Variants in VPREB1 observed in about 807,000 individuals in gnomAD.
The protein encoded by VPREB1 is immunoglobulin iota chain.
A neutral mutation model predicts 13.6 loss-of-function variants in VPREB1; 17 were observed. The ratio of observed to expected loss-of-function variants is 1.25; its 90% CI spans 0.86 to 1.88. The LOEUF is 1.88. VPREB1 is among the 40% of genes most tolerant of loss of function. The pLI is 0.00. For missense variants in VPREB1, 183 were observed against 190.1 expected, an observed-to-expected ratio of 0.96 and a Z score of 0.22; for synonymous variants, 86 against 73.9, an observed-to-expected ratio of 1.16 and a Z score of -0.84.
In VPREB1 at chr22:22,245,212, C is replaced by T. The variant is rs1323896913; in HGVS notation, c.313C>T (p.Leu105=). ...CAGGGGGTATTTGAGCATCTCTGAG[C>T]TGCAGCCTGAGGACGAGGCTATGTA... ...RNRGYLSISE[L]QPEDEAMYYC... The change falls in exon 2 of 2, where the codon CTG becomes TTG. Residue 105 remains leucine (L), a synonymous_variant. Transcript: ENST00000403807. 1 of 1,573,330 alleles carries T rather than the reference C, an allele frequency of 6.4e-7. No individual in the cohort carries two copies. The highest frequency in any genetic ancestry group is 1.8e-5 in the Admixed American group (1 of 55,482).
In VPREB1 at chr22:22,244,947, T is replaced by C. The variant is rs1437846598; in HGVS notation, c.48T>C (p.Gly16=). ...VLLMLFVYCT[G]CGPQPVLHQP... ...GCCCACATGCATCTGTGTCACCAGG[T>C]TGTGGTCCTCAGCCGGTGCTGCATC... The change falls in exon 2 of 2, where the codon GGT becomes GGC. Residue 16 remains glycine (G), a splice_region_variant and synonymous_variant. Transcript: ENST00000403807. 3.1e-6 allele frequency: 5 copies of C among 1,614,098 alleles called. No individual in the cohort carries two copies. The highest frequency in any genetic ancestry group is 2.2e-5 in the South Asian group (2 of 91,084).
rs759724647 is a variant in VPREB1, at chr22:22,245,050, G to A, written c.151G>A (p.Val51Met). The A allele has an allele frequency of 1.2e-6, 2 of 1,613,974 alleles. No homozygotes were observed. Among genetic ancestry groups the A allele is most frequent in the Non-Finnish European group, 8.5e-7 (1 of 1,180,034 alleles). ...CTLRNDHDIG[V>M]YSVYWYQQRP... Reference sequence around the variant, plus strand: ...CCTGAGGAACGACCATGACATCGGTGTGTACAGCGTCTACTGGTACCAGCA... The same window carrying A: ...CCTGAGGAACGACCATGACATCGGTATGTACAGCGTCTACTGGTACCAGCA... Residue 51 changes from valine to methionine, a missense_variant, in exon 2 of 2, where the codon GTG becomes ATG. Transcript: ENST00000403807.
rs11089978 is a variant in VPREB1, at chr22:22,244,804, T to C, written c.-10T>C. 0.036 allele frequency: 58,406 copies of C among 1,613,828 alleles called. 3,378 individuals carry two copies. Among genetic ancestry groups the C allele is most frequent in the African/African-American group, 0.2 (15,243 of 74,882 alleles). Reference sequence around the variant, plus strand: ...TGGCCACAGGAGTCAGAGCTCTGCATGTCTGCACCATGTCCTGGGCTCCTG... The same window carrying C: ...TGGCCACAGGAGTCAGAGCTCTGCACGTCTGCACCATGTCCTGGGCTCCTG... On this transcript the variant is annotated 5_prime_UTR_variant, in exon 1 of 2. The change abolishes an upstream ATG in the 5' untranslated region. Transcript: ENST00000403807.
Position 22,245,047 on chromosome 22 carries a change from G to T in VPREB1, c.148G>T (p.Gly50Cys). ...CACCCTGAGGAACGACCATGACATCGGTGTGTACAGCGTCTACTGGTACCA... is the reference window on the plus strand; with the variant it reads ...CACCCTGAGGAACGACCATGACATCTGTGTGTACAGCGTCTACTGGTACCA... ...TCTLRNDHDI[G>C]VYSVYWYQQR... Residue 50 changes from glycine (G) to cysteine (C), a missense_variant, in exon 2 of 2, where the codon GGT becomes TGT. Coordinates refer to ENST00000403807, the MANE Select transcript of VPREB1 (RefSeq NM_007128.4). The T allele has an allele frequency of 6.2e-7, 1 of 1,614,046 alleles. No homozygotes were observed. The highest frequency in any genetic ancestry group is 8.5e-7 in the Non-Finnish European group (1 of 1,180,016).
intron 1 of VPREB1, 34 bp from the exon 2 acceptor site, chr22:22,244,912 T>G (rs1310035088): frequency 6.2e-7 from 1 of 1,614,000 alleles, no homozygotes; most frequent in Middle Eastern, 1.7e-4. Context: ...CATCCTGCCC[T>G]GCCCCCACGG....
Position 22,244,960 on chromosome 22 carries a change from C to A in VPREB1, c.61C>A (p.Pro21Thr), listed in dbSNP as rs2088099696. The stretch of plus-strand genomic sequence containing the variant: ...TGTGTCACCAGGTTGTGGTCCTCAG[C>A]CGGTGCTGCATCAGCCGCCGGCCAT... ...FVYCTGCGPQ[P>T]VLHQPPAMSS... Residue 21 changes from proline to threonine, a missense_variant, in exon 2 of 2, where the codon CCG becomes ACG. Physicochemically the swap from Pro to Thr is conservative, Grantham distance 38 (BLOSUM62 -1). Transcript: ENST00000403807. 1 of 1,614,154 alleles carries A rather than the reference C, an allele frequency of 6.2e-7. No homozygotes were observed. The highest frequency in any genetic ancestry group is 8.5e-7 in the Non-Finnish European group (1 of 1,180,024).
chr22:22,244,891 G>T lies in VPREB1; in HGVS notation c.46+32G>T, dbSNP rs758472352. The T allele has an allele frequency of 1.2e-5, 20 of 1,614,080 alleles. No individual in the cohort carries two copies. In the Admixed American group the frequency reaches 3.0e-4, roughly 24 times the overall value. On this transcript the variant is annotated intron_variant, in intron 1 of 1. Transcript: ENST00000403807. ...GAACCCCCAGATCCCAAAGACTCCTGCCCCTTCCTTCATCCTGCCCTGCCC... is the reference window on the plus strand; with the variant it reads ...GAACCCCCAGATCCCAAAGACTCCTTCCCCTTCCTTCATCCTGCCCTGCCC...
chr22:22,245,258 G>A lies in VPREB1; in HGVS notation c.359G>A (p.Arg120His), dbSNP rs200943449. 1.5e-5 allele frequency: 23 copies of A among 1,566,606 alleles called. No individual in the cohort carries two copies. The highest frequency in any genetic ancestry group is 2.5e-5 in the South Asian group (2 of 81,362). ...ATGTATTACTGTGCTATGGGGGCCC[G>A]CAGCTCGGAGAAGGAGGAGAGGGAG... ...EAMYYCAMGA[R>H]SSEKEERERE... is the part of the protein sequence containing the mutation. The change falls in exon 2 of 2, where the codon CGC becomes CAC. Residue 120 changes from arginine to histidine, a missense_variant. Coordinates refer to ENST00000403807, the MANE Select transcript of VPREB1 (RefSeq NM_007128.4).
Position 22,245,453 on chromosome 22 carries a change from T to A in VPREB1, c.*116T>A. The stretch of plus-strand genomic sequence containing the variant: ...CTCAGCATCTCCTGGTCCTGCAGTG[T>A]TGCTGTAAATCCCCATTGGAGACTG... On this transcript the variant is annotated 3_prime_UTR_variant, in exon 2 of 2. Coordinates refer to ENST00000403807, the MANE Select transcript of VPREB1 (RefSeq NM_007128.4). 1 of 1,205,390 alleles carries A rather than the reference T, an allele frequency of 8.3e-7. No individual in the cohort carries two copies. Among genetic ancestry groups the A allele is most frequent in the South Asian group, 2.0e-5 (1 of 49,984 alleles). 74.7% of individuals were successfully genotyped at this position (1,205,390 alleles called of 1,614,324 possible). A position where few individuals can be genotyped will look rare whatever the true frequency, so the allele number is the denominator to read the frequency against.
Position 22,245,427 on chromosome 22 carries a change from A to C in VPREB1, c.*90A>C. 7.4e-7 allele frequency: 1 copy of C among 1,357,480 alleles called. No homozygotes were observed. The highest frequency in any genetic ancestry group is 1.7e-5 in the South Asian group (1 of 58,958). 84.1% of individuals were successfully genotyped at this position (1,357,480 alleles called of 1,614,324 possible). A position where few individuals can be genotyped will look rare whatever the true frequency, so the allele number is the denominator to read the frequency against. On this transcript the variant is annotated 3_prime_UTR_variant, in exon 2 of 2. Transcript: ENST00000403807. Reference sequence around the variant, plus strand: ...CCCGAAGCGCCGAGGAGGCTGAGCCACTCAGCATCTCCTGGTCCTGCAGTG... The same window carrying C: ...CCCGAAGCGCCGAGGAGGCTGAGCCCCTCAGCATCTCCTGGTCCTGCAGTG...
At position 22,245,201 on chromosome 22, in the gene VPREB1, G is replaced by A. The variant is rs1463017831; in HGVS notation, c.302G>A (p.Ser101Asn). Residue 101 changes from serine to asparagine, a missense_variant, in exon 2 of 2, where the codon AGC becomes AAC. By Grantham distance (46) the Ser-to-Asn change is conservative. Coordinates refer to ENST00000403807, the MANE Select transcript of VPREB1 (RefSeq NM_007128.4). ...GTGGCCAGGAACAGGGGGTATTTGAGCATCTCTGAGCTGCAGCCTGAGGAC... is the reference window on the plus strand; with the variant it reads ...GTGGCCAGGAACAGGGGGTATTTGAACATCTCTGAGCTGCAGCCTGAGGAC... ...KDVARNRGYL[S>N]ISELQPEDEA... The A allele has an allele frequency of 1.3e-6, 2 of 1,576,346 alleles. No individual in the cohort carries two copies. The highest frequency in any genetic ancestry group is 1.7e-6 in the Non-Finnish European group (2 of 1,161,836).
At position 22,244,873 on chromosome 22, in the gene VPREB1, C is replaced by T; in HGVS notation, c.46+14C>T. On this transcript the variant is annotated intron_variant, in intron 1 of 1. Coordinates refer to ENST00000403807, the MANE Select transcript of VPREB1 (RefSeq NM_007128.4). ...TCTACTGCACAGGTGAGGGAACCCC[C>T]AGATCCCAAAGACTCCTGCCCCTTC... 5 of 1,614,064 alleles carry T rather than the reference C, an allele frequency of 3.1e-6. No homozygotes were observed. The highest frequency in any genetic ancestry group is 4.2e-6 in the Non-Finnish European group (5 of 1,179,954).
In VPREB1 at chr22:22,245,498, C is replaced by T; in HGVS notation, c.*161C>T. The stretch of plus-strand genomic sequence containing the variant: ...AGACTGCATTAGGGAATTAAAGCTG[C>T]TTGTCACTTTTTGCTGAGTTTGGTC... On this transcript the variant is annotated 3_prime_UTR_variant, in exon 2 of 2. Coordinates refer to ENST00000403807, the MANE Select transcript of VPREB1 (RefSeq NM_007128.4). 1 of 859,816 alleles carries T rather than the reference C, an allele frequency of 1.2e-6. No individual in the cohort carries two copies. The highest frequency in any genetic ancestry group is 1.6e-6 in the Non-Finnish European group (1 of 622,832). The allele number at this position is 859,816 out of a possible 1,614,324, so 53.3% of individuals were successfully genotyped here.
In VPREB1 at chr22:22,244,801, GCA is replaced by G. The variant is rs2088093648; in HGVS notation, c.-12_-11del. The stretch of plus-strand genomic sequence containing the variant: ...CCGTGGCCACAGGAGTCAGAGCTCT[GCA>G]TGTCTGCACCATGTCCTGGGCTCCT... On this transcript the variant is annotated 5_prime_UTR_variant, in exon 1 of 2. It removes an upstream start codon present in the reference 5' UTR. Transcript: ENST00000403807. 6.2e-7 allele frequency: 1 copy of G among 1,613,876 alleles called. No homozygotes were observed. The highest frequency in any genetic ancestry group is 2.2e-5 in the East Asian group (1 of 44,858).
rs750943572 is a variant in VPREB1 at position 22,245,393 on chromosome 22, G to A, written c.*56G>A. On this transcript the variant is annotated 3_prime_UTR_variant, in exon 2 of 2. Transcript: ENST00000403807. ...GGAGAGACTGTCATGGAAGAGGGTGGAGTCGCCGCCCGAAGCGCCGAGGAG... is the reference window on the plus strand; with the variant it reads ...GGAGAGACTGTCATGGAAGAGGGTGAAGTCGCCGCCCGAAGCGCCGAGGAG... The A allele has an allele frequency of 4.6e-5, 65 of 1,424,268 alleles. No homozygotes were observed. The Middle Eastern group carries it at 9.1e-4, about 20-fold the overall frequency. The allele number at this position is 1,424,268 out of a possible 1,614,324, so 88.2% of individuals were successfully genotyped here.
chr22:22,245,080 C>T lies in VPREB1; in HGVS notation c.181C>T (p.Pro61Ser), dbSNP rs1569015988. 1.9e-6 allele frequency: 3 copies of T among 1,614,022 alleles called. No homozygotes were observed. The highest frequency in any genetic ancestry group is 3.3e-5 in the Admixed American group (2 of 59,992). The change falls in exon 2 of 2, where the codon CCG becomes TCG. Residue 61 changes from proline to serine, a missense_variant. Physicochemically the swap from Pro to Ser is moderately conservative, Grantham distance 74 (BLOSUM62 -1). Transcript: ENST00000403807. ...CAGCGTCTACTGGTACCAGCAGAGGCCGGGCCACCCTCCCAGGTTCCTGCT... is the reference window on the plus strand; with the variant it reads ...CAGCGTCTACTGGTACCAGCAGAGGTCGGGCCACCCTCCCAGGTTCCTGCT... ...VYSVYWYQQR[P>S]GHPPRFLLRY... is the part of the protein sequence containing the mutation.
rs778612621 is a variant in VPREB1, at chr22:22,245,110, T to C, written c.211T>C (p.Tyr71His). 1.9e-6 allele frequency: 3 copies of C among 1,613,676 alleles called. No individual in the cohort carries two copies. The South Asian group carries it at 3.3e-5, about 18-fold the overall frequency. Residue 71 changes from tyrosine to histidine, a missense_variant, in exon 2 of 2, where the codon TAT (tyrosine) becomes CAT (histidine). Tyr to His is a moderately conservative substitution (Grantham distance 83). Coordinates refer to ENST00000403807, the MANE Select transcript of VPREB1 (RefSeq NM_007128.4). ...PGHPPRFLLR[Y>H]FSQSDKSQGP... ...CCACCCTCCCAGGTTCCTGCTGAGA[T>C]ATTTCTCACAATCAGACAAGAGCCA...
rs2088093868 is a variant in VPREB1 at position 22,244,805 on chromosome 22, G to T, written c.-9G>T. On this transcript the variant is annotated 5_prime_UTR_variant, in exon 1 of 2. The change abolishes an upstream ATG in the 5' untranslated region. Coordinates refer to ENST00000403807, the MANE Select transcript of VPREB1 (RefSeq NM_007128.4). The stretch of plus-strand genomic sequence containing the variant: ...GGCCACAGGAGTCAGAGCTCTGCAT[G>T]TCTGCACCATGTCCTGGGCTCCTGT... 1 of 1,614,084 alleles carries T rather than the reference G, an allele frequency of 6.2e-7. No individual in the cohort carries two copies. The highest frequency in any genetic ancestry group is 8.5e-7 in the Non-Finnish European group (1 of 1,179,990).
chr22:22,245,371 GAGA>G lies in VPREB1; in HGVS notation c.*35_*37del. On this transcript the variant is annotated 3_prime_UTR_variant, in exon 2 of 2. Transcript: ENST00000403807. The stretch of plus-strand genomic sequence containing the variant: ...CAGCAGAGGCACGCATCCCCTTGGA[GAGA>G]CTGTCATGGAAGAGGGTGGAGTCGC... 1 of 1,435,084 alleles carries G rather than the reference GAGA, an allele frequency of 7.0e-7. No homozygotes were observed. The highest frequency in any genetic ancestry group is 9.1e-7 in the Non-Finnish European group (1 of 1,098,426). 88.9% of individuals were successfully genotyped at this position (1,435,084 alleles called of 1,614,324 possible).
Sources: gnomAD v4.1 joint callset for allele counts on GRCh38, gnomAD v4.1.1 for gene constraint, MANE v1.5 for transcripts, NCBI Gene and HGNC (gene_info 2026-07-23, HGNC 2026-07-21) for gene names.